The following NRXN1 variants were observed in gnomAD, a reference collection of about 807,000 sequenced individuals.
NRXN1 encodes the protein neurexin-1.
In NRXN1, 39 loss-of-function variants were observed where a neutral mutation model predicts 150.9. That is an observed-to-expected ratio of 0.26 (90% CI 0.20 to 0.34). The LOEUF is 0.34. Among genes scored for constraint, NRXN1 ranks in the 10% least tolerant of loss-of-function variants. The pLI is 1.00. For missense variants in NRXN1, 1,815 were observed against 1,949.9 expected (o/e 0.93, Z 1.30); for synonymous variants, 924 against 757.0 (o/e 1.22, Z -3.62).
chr2:50,418,955 T>C (rs1028092501), intron 17 of NRXN1, among the ~76,000 whole-genome samples: 1 of 152,080 alleles, frequency 6.6e-6, no homozygotes, highest in Admixed American at 6.6e-5. Context: ...ATCATTTAAA[T>C]CATATTTTTA....
At chr2:50,801,744 G>A (rs982223651) in intron 5 of NRXN1, among the ~76,000 whole-genome samples, 3 of 152,132 alleles carry the variant, frequency 2.0e-5, no homozygotes, top group African/African-American at 7.2e-5. Flanking sequence ...TCAAGGCTGG[G>A]TTTGATGTAT....
intron 15 of NRXN1, among the ~76,000 whole-genome samples, 180 bp downstream of exon 15, chr2:50,495,725 G>A (rs186481261): frequency 6.6e-6 from 1 of 152,068 alleles, no homozygotes; most frequent in Non-Finnish European, 1.5e-5. Context: ...AAAATACATA[G>A]GTTCCTACCA....
chr2:50,967,347 A>T (rs931893721), intron 2 of NRXN1, among the ~76,000 whole-genome samples: 3 of 151,980 alleles, frequency 2.0e-5, no homozygotes, highest in Non-Finnish European at 4.4e-5. Context: ...TGTTTCCTCT[A>T]ACATTTTTCT....
chr2:50,274,817 G>A (rs758958847), intron 17 of NRXN1, among the ~76,000 whole-genome samples: 1 of 151,894 alleles, frequency 6.6e-6, no homozygotes, highest in African/African-American at 2.4e-5. Flanking sequence ...GTTAGTAGTC[G>A]ATGTTGCCTA....
At chr2:50,865,580 ATGTGTGTGTGTGTGTG>A (rs112867077) in intron 5 of NRXN1, among the ~76,000 whole-genome samples, 21 of 130,772 alleles carry the variant, frequency 1.6e-4, no homozygotes, top group African/African-American at 5.7e-4. Flanking sequence ...AAATATATAA[ATGTGTGTGTGTGTGTG>A]TGTGTGTGTG....
intron 15 of NRXN1, among the ~76,000 whole-genome samples, chr2:50,489,719 G>A (rs1472680860): frequency 6.6e-6 from 1 of 152,186 alleles, no homozygotes; most frequent in East Asian, 1.9e-4. Context: ...GTTAATGTCA[G>A]AAAAATTCAG....
intron 18 of NRXN1, among the ~76,000 whole-genome samples, chr2:50,216,116 G>A (rs1355100218): frequency 6.6e-6 from 1 of 152,018 alleles, no homozygotes; most frequent in Non-Finnish European, 1.5e-5. Context: ...AACACTTAGG[G>A]AGGCTGAGGC....
chr2:50,720,463 C>CTTTTTATG (rs1696497272), intron 5 of NRXN1, among the ~76,000 whole-genome samples: 1 of 152,146 alleles, frequency 6.6e-6, no homozygotes, highest in Admixed American at 6.6e-5. Flanking sequence ...GGGGCGCCTC[C>CTTTTTATG]CCAGCATTAG....
At chr2:50,088,006 G>T (rs1357153359) in intron 19 of NRXN1, among the ~76,000 whole-genome samples, 1 of 152,062 alleles carries the variant, frequency 6.6e-6, no homozygotes, top group African/African-American at 2.4e-5. Context: ...CACTTTAAAG[G>T]AACCATATAT....
intron 8 of NRXN1, among the ~76,000 whole-genome samples, chr2:50,614,640 A>AAT (rs67833688): frequency 0.027 from 3,908 of 143,234 alleles, 132 homozygotes; most frequent in East Asian, 0.1. Flanking sequence ...GTATAATAAA[A>AAT]ATATATATAT....
intron 21 of NRXN1, among the ~76,000 whole-genome samples, chr2:49,977,360 T>C (rs973882620): frequency 6.6e-6 from 1 of 152,128 alleles, no homozygotes; most frequent in Non-Finnish European, 1.5e-5. Flanking sequence ...ATCCAGTGGA[T>C]AGTGGCCAAG....
At chr2:50,434,043 A>AT (rs748364051) in intron 17 of NRXN1, among the ~76,000 whole-genome samples, 3,587 of 72,108 alleles carry the variant, frequency 0.05, 601 homozygotes, top group Non-Finnish European at 0.061. Context: ...TATCTAAGCC[A>AT]TTTTTTTTTT....
At chr2:50,964,651 A>G (rs1693765384) in intron 2 of NRXN1, among the ~76,000 whole-genome samples, 1 of 151,510 alleles carries the variant, frequency 6.6e-6, no homozygotes, top group African/African-American at 2.4e-5. Flanking sequence ...TTCATTACAC[A>G]TGAATTTGAC....
intron 17 of NRXN1, among the ~76,000 whole-genome samples, chr2:50,276,688 A>G (rs1359019165): frequency 1.3e-5 from 2 of 152,200 alleles, no homozygotes; most frequent in African/African-American, 4.8e-5. Context: ...CCCTAGCGAA[A>G]ACTTGACAAC....
chr2:50,572,702 C>T (rs898104669), intron 8 of NRXN1, among the ~76,000 whole-genome samples: 2 of 152,140 alleles, frequency 1.3e-5, no homozygotes, highest in African/African-American at 4.8e-5. Flanking sequence ...TGATTTCTAA[C>T]AAGTGATAAA....
chr2:50,333,601 G>A (rs9973348), intron 17 of NRXN1, among the ~76,000 whole-genome samples: 60,210 of 151,632 alleles, frequency 0.4, 13,961 homozygotes, highest in African/African-American at 0.65. Context: ...CATCTTTCCT[G>A]TGTCTGTTCT....
intron 18 of NRXN1, among the ~76,000 whole-genome samples, chr2:50,187,556 T>C (rs1398664772): frequency 6.6e-6 from 1 of 152,152 alleles, no homozygotes; most frequent in African/African-American, 2.4e-5. Context: ...TGTTTAGGGT[T>C]GTCTTGGCTA....
At chr2:50,006,786 T>C (rs1051500032) in intron 21 of NRXN1, among the ~76,000 whole-genome samples, 1 of 152,164 alleles carries the variant, frequency 6.6e-6, no homozygotes, top group Non-Finnish European at 1.5e-5. Context: ...GTGCTTGTGA[T>C]TCAAATCCCC....
chr2:50,985,435 G>A (rs983153052), intron 2 of NRXN1: 2 of 151,738 alleles, frequency 1.3e-5, no homozygotes, highest in Non-Finnish European at 2.9e-5. Flanking sequence ...TAATAGAAGA[G>A]TATGGAGAGA....
Sources: allele counts gnomAD v4.1 joint callset (sites outside exome capture counted in the v4.1 genomes callset), GRCh38; gene constraint gnomAD v4.1.1; transcripts MANE v1.5; gene names NCBI Gene and HGNC (gene_info 2026-07-23, HGNC 2026-07-21).